Variants in LIN28B observed in about 807,000 individuals in gnomAD.
LIN28B encodes protein lin-28 homolog B.
LIN28B carries 5 observed loss-of-function variants against 21.9 expected under a neutral mutation model. The observed-to-expected ratio is 0.23, with a 90% CI of 0.12 to 0.48. The LOEUF is 0.48. LIN28B is among the 20% of genes least tolerant of loss of function. LIN28B has a pLI of 0.98. For synonymous variants in LIN28B, 109 were observed against 111.3 expected, an observed-to-expected ratio of 0.98 and a Z score of 0.13; for missense variants, 245 against 310.5, an observed-to-expected ratio of 0.79 and a Z score of 1.58.
At chr6:104,996,573 G>T (rs951591798) in intron 2 of LIN28B, among the ~76,000 whole-genome samples, 3 of 152,152 alleles carry the variant, frequency 2.0e-5, no homozygotes, top group Non-Finnish European at 4.4e-5. Flanking sequence ...GTTAGGAAGT[G>T]CTCTAGTAAG....
At chr6:105,038,184 A>G (rs938133565) in intron 3 of LIN28B, among the ~76,000 whole-genome samples, 1 of 152,202 alleles carries the variant, frequency 6.6e-6, no homozygotes, top group Non-Finnish European at 1.5e-5. Flanking sequence ...ATCTATAGAA[A>G]TTAGGGATTT....
chr6:105,078,709 TCCAC>T lies in LIN28B; in HGVS notation c.680_683del (p.Ser227Ter). 6.2e-7 allele frequency: 1 copy of T among 1,613,948 alleles called. No individual in the cohort carries two copies. Among genetic ancestry groups the T allele is most frequent in the South Asian group, 1.1e-5 (1 of 91,060 alleles). ...AGGCAGGTCACCTCAAGAAGCTTCC[TCCAC>T]GAAGTCATCTATAGCACCAGAAGAG... On this transcript the variant is annotated frameshift_variant, in exon 4 of 4. Coordinates refer to ENST00000345080, the MANE Select transcript of LIN28B (RefSeq NM_001004317.4). LOFTEE classifies it high-confidence loss of function.
intron 2 of LIN28B, among the ~76,000 whole-genome samples, chr6:105,016,980 A>C (rs1441245555): frequency 6.7e-6 from 1 of 148,364 alleles, no homozygotes; most frequent in Non-Finnish European, 1.5e-5. Flanking sequence ...GCCTGAAGTG[A>C]GAGGAGCCCT....
At chr6:104,940,131 A>G (rs891881804) in intron 2 of LIN28B, 4 of 168,210 alleles carry the variant, frequency 2.4e-5, no homozygotes, top group African/African-American at 9.6e-5. Context: ...AACTTCTGGC[A>G]TTGTCTACCA....
At chr6:104,966,126 G>T (rs2114582008) in intron 2 of LIN28B, among the ~76,000 whole-genome samples, 2 of 152,246 alleles carry the variant, frequency 1.3e-5, no homozygotes, top group African/African-American at 4.8e-5. Flanking sequence ...GCAGATAGTA[G>T]GGACTCAATG....
At chr6:105,064,989 A>C (rs1465099248) in intron 3 of LIN28B, among the ~76,000 whole-genome samples, 2 of 152,238 alleles carry the variant, frequency 1.3e-5, no homozygotes, top group African/African-American at 4.8e-5. Flanking sequence ...CCTAATGATT[A>C]GAAGTTATTA....
intron 2 of LIN28B, among the ~76,000 whole-genome samples, chr6:104,965,711 G>T (rs997047946): frequency 1.3e-5 from 2 of 152,072 alleles, no homozygotes; most frequent in Non-Finnish European, 2.9e-5. Context: ...AAGTATCAGG[G>T]TGTAAACTGC....
chr6:105,034,152 A>G (rs1013247012), intron 3 of LIN28B, among the ~76,000 whole-genome samples: 12 of 151,822 alleles, frequency 7.9e-5, no homozygotes, highest in African/African-American at 2.4e-4. Context: ...TTAACTGTTC[A>G]TGGTTTCTTT....
chr6:104,965,747 G>C (rs1259923042), intron 2 of LIN28B, among the ~76,000 whole-genome samples: 1 of 152,242 alleles, frequency 6.6e-6, no homozygotes, highest in East Asian at 1.9e-4. Context: ...TTGTTATGCA[G>C]ATATTTTGGT....
At chr6:105,023,533 T>A (rs1419152465) in intron 2 of LIN28B, among the ~76,000 whole-genome samples, 2 of 110 alleles carry the variant, frequency 0.018, 1 homozygote, top group Non-Finnish European at 0.045. Context: ...TTATATTATA[T>A]AATATATATA....
At chr6:105,007,980 TA>T (rs1770850387) in intron 2 of LIN28B, among the ~76,000 whole-genome samples, 1 of 152,138 alleles carries the variant, frequency 6.6e-6, no homozygotes, top group South Asian at 2.1e-4. Flanking sequence ...ATGTTGTCAT[TA>T]AAAAACACCT....
chr6:104,993,085 T>G (rs562014807), intron 2 of LIN28B, among the ~76,000 whole-genome samples: 2 of 152,270 alleles, frequency 1.3e-5, no homozygotes, highest in South Asian at 4.2e-4. Flanking sequence ...TATTAAACTG[T>G]TTTTTTATCT....
At chr6:104,961,669 G>T (rs1582865974) in intron 2 of LIN28B, among the ~76,000 whole-genome samples, 1 of 152,056 alleles carries the variant, frequency 6.6e-6, no homozygotes, top group South Asian at 2.1e-4. Flanking sequence ...CAAAGTGCTG[G>T]GATTACAGGC....
intron 3 of LIN28B, among the ~76,000 whole-genome samples, chr6:105,074,352 C>T (rs1232182553): frequency 6.6e-6 from 1 of 152,142 alleles, no homozygotes; most frequent in African/African-American, 2.4e-5. Flanking sequence ...CCCCCGCCAC[C>T]ATGCCCGGCT....
intron 2 of LIN28B, among the ~76,000 whole-genome samples, chr6:104,998,440 T>G (rs1379542098): frequency 6.6e-6 from 1 of 152,180 alleles, no homozygotes; most frequent in Non-Finnish European, 1.5e-5. Context: ...CTTTGTATAA[T>G]AGTTTATTGT....
In LIN28B at chr6:105,034,662, AC is replaced by A. The variant is rs148498237; in HGVS notation, c.383+8182del. 3.2e-4 allele frequency among the ~76,000 whole-genome samples: 49 copies of A among 152,208 alleles called. 1 individual carries two copies. The East Asian group carries it at 9.4e-3, about 29-fold the overall frequency. On this transcript the variant is annotated intron_variant, in intron 3 of 3. Transcript: ENST00000345080. ...GTATTTATCATTTATGATCAGAAAG[AC>A]CAAGATGAACAGAAACAGAAACCAA...
Position 105,008,510 on chromosome 6 carries a change from G to A in LIN28B, c.199-17788G>A, listed in dbSNP as rs564196157. Among the ~76,000 whole-genome samples, 11 of 152,108 alleles carry A rather than the reference G, an allele frequency of 7.2e-5. No individual in the cohort carries two copies. The South Asian group carries it at 2.3e-3, about 32-fold the overall frequency. ...ATACAAAAAATTAGCTGGGCGTGGTGGCGGGCGCCTGTGGTCCCAGCTACT... is the reference window on the plus strand; with the variant it reads ...ATACAAAAAATTAGCTGGGCGTGGTAGCGGGCGCCTGTGGTCCCAGCTACT... On this transcript the variant is annotated intron_variant, in intron 2 of 3. Coordinates refer to ENST00000345080, the MANE Select transcript of LIN28B (RefSeq NM_001004317.4).
Position 105,078,695 on chromosome 6 carries a change from C to T in LIN28B, c.665C>T (p.Pro222Leu), listed in dbSNP as rs753875600. The T allele has an allele frequency of 6.2e-7, 1 of 1,614,114 alleles. No individual in the cohort carries two copies. The highest frequency in any genetic ancestry group is 1.1e-5 in the South Asian group (1 of 91,068). Residue 222 changes from proline (P) to leucine (L), a missense_variant, in exon 4 of 4, where the codon CCT becomes CTT. Pro to Leu is a moderately conservative substitution (Grantham distance 98). Coordinates refer to ENST00000345080, the MANE Select transcript of LIN28B (RefSeq NM_001004317.4). The part of the protein sequence containing the change: ...AEISERSGRS[P>L]QEASSTKSSI... ...ATCTCAGAACGGTCAGGCAGGTCAC[C>T]TCAAGAAGCTTCCTCCACGAAGTCA...
At chr6:104,956,479 A>G (rs1778292203), upstream of LIN28B, among the ~76,000 whole-genome samples, 1 of 152,224 alleles carries the variant, frequency 6.6e-6, no homozygotes, top group African/African-American at 2.4e-5. Context: ...CGATTTTTCT[A>G]GTAGGATTTT....
Sources: allele counts gnomAD v4.1 joint callset (sites outside exome capture counted in the v4.1 genomes callset), GRCh38; gene constraint gnomAD v4.1.1; transcripts MANE v1.5; gene names NCBI Gene and HGNC (gene_info 2026-07-23, HGNC 2026-07-21).